ROBO2: variants seen among roughly 807,000 people sequenced by gnomAD.
ROBO2 encodes the protein roundabout guidance receptor 2, also known as roundabout homolog 2.
Under a neutral mutation model 160.8 loss-of-function variants are expected in ROBO2, and 53 were observed. The ratio of observed to expected loss-of-function variants is 0.33; its 90% CI spans 0.26 to 0.41. ROBO2 has a LOEUF of 0.41. ROBO2 is among the 10% of genes least tolerant of loss of function. The pLI, the probability that ROBO2 is intolerant of heterozygous loss-of-function variation, is 1.00. For missense variants in ROBO2, 1,577 were observed against 1,722.4 expected (o/e 0.92, Z 1.49); for synonymous variants, 664 against 611.7 (o/e 1.09, Z -1.26).
At chr3:76,362,414 G>T (rs1433501592) in intron 2 of ROBO2, among the ~76,000 whole-genome samples, 1 of 151,824 alleles carries the variant, frequency 6.6e-6, no homozygotes, top group Non-Finnish European at 1.5e-5. Context: ...TTGATCATAG[G>T]GATCATGATG....
intron 2 of ROBO2, among the ~76,000 whole-genome samples, chr3:76,441,533 A>G (rs1318287980): frequency 8.5e-5 from 13 of 152,216 alleles, no homozygotes; most frequent in Admixed American, 3.9e-4. Flanking sequence ...TTGACAACCC[A>G]TGAGTTAAAC....
intron 2 of ROBO2, among the ~76,000 whole-genome samples, chr3:77,033,903 T>G (rs1032583050): frequency 2.6e-5 from 4 of 152,030 alleles, no homozygotes; most frequent in Non-Finnish European, 5.9e-5. Flanking sequence ...TGAAACTTTT[T>G]TCTTAAATTA....
chr3:77,062,031 AAACCG>A (rs1250647410), intron 1 of ROBO2, among the ~76,000 whole-genome samples: 1 of 152,172 alleles, frequency 6.6e-6, no homozygotes, highest in Non-Finnish European at 1.5e-5. Context: ...TAATAGAGAG[AAACCG>A]AGAGTTTAGA....
At chr3:76,772,578 C>G (rs998566848) in intron 2 of ROBO2, among the ~76,000 whole-genome samples, 1 of 147,868 alleles carries the variant, frequency 6.8e-6, no homozygotes, top group Non-Finnish European at 1.5e-5. Context: ...TTTCTATACA[C>G]TAATTTTTAT....
intron 2 of ROBO2, among the ~76,000 whole-genome samples, chr3:76,815,953 G>C (rs149307293): frequency 6.6e-6 from 1 of 152,088 alleles, no homozygotes; most frequent in Non-Finnish European, 1.5e-5. Context: ...GAGTGCATTC[G>C]ACAGCTTGTA....
intron 2 of ROBO2, among the ~76,000 whole-genome samples, chr3:76,162,915 A>G (rs557545849): frequency 1.3e-5 from 2 of 152,004 alleles, no homozygotes; most frequent in East Asian, 1.9e-4. Flanking sequence ...TTTTGTTTTT[A>G]TAGTGCTATA....
chr3:77,460,067 G>A (rs2153570424), intron 2 of ROBO2, among the ~76,000 whole-genome samples: 1 of 152,202 alleles, frequency 6.6e-6, no homozygotes, highest in South Asian at 2.1e-4. Context: ...AGGAGTAAGA[G>A]TAAGATTGTT....
chr3:76,446,972 T>C (rs1464317680), intron 2 of ROBO2, among the ~76,000 whole-genome samples: 1 of 152,212 alleles, frequency 6.6e-6, no homozygotes, highest in Non-Finnish European at 1.5e-5. Flanking sequence ...ATTCAGGACA[T>C]AGGCATGGAC....
chr3:76,294,254 T>G (rs1576296052), intron 2 of ROBO2, among the ~76,000 whole-genome samples: 1 of 152,114 alleles, frequency 6.6e-6, no homozygotes, highest in Non-Finnish European at 1.5e-5. Context: ...CAGCTGTGGC[T>G]GGGCAGCTGC....
intron 2 of ROBO2, among the ~76,000 whole-genome samples, chr3:76,702,556 A>AGAG (rs397787550): frequency 2.0e-5 from 3 of 151,510 alleles, no homozygotes; most frequent in Admixed American, 6.6e-5. Context: ...ATAGACAGAG[A>AGAG]AAGAGAGAGA....
At chr3:77,443,862 C>T (rs371067747) in intron 2 of ROBO2, among the ~76,000 whole-genome samples, 1 of 152,240 alleles carries the variant, frequency 6.6e-6, no homozygotes, top group East Asian at 1.9e-4. Flanking sequence ...CAGAGTTACC[C>T]AGCCCAGAGC....
At chr3:77,393,731 AGT>A (rs199608810) in intron 2 of ROBO2, among the ~76,000 whole-genome samples, 3,874 of 151,688 alleles carry the variant, frequency 0.026, 59 homozygotes, top group Non-Finnish European at 0.037. Context: ...CTGATCCCCA[AGT>A]CATATATTAT....
intron 2 of ROBO2, among the ~76,000 whole-genome samples, chr3:76,533,885 G>A (rs2082356006): frequency 6.6e-6 from 1 of 152,070 alleles, no homozygotes; most frequent in African/African-American, 2.4e-5. Context: ...GTGGTGGAAG[G>A]TCATATGGAG....
At chr3:77,107,522 A>T (rs2072971950) in intron 2 of ROBO2, among the ~76,000 whole-genome samples, 1 of 152,216 alleles carries the variant, frequency 6.6e-6, no homozygotes, top group Non-Finnish European at 1.5e-5. Flanking sequence ...ACCAACAAGA[A>T]ATATTACAAA....
At chr3:77,563,447 A>G in intron 11 of ROBO2, 118 bp downstream of exon 12, 2 of 982,340 alleles carry the variant, frequency 2.0e-6, no homozygotes, top group South Asian at 2.7e-5. Context: ...CATTTTAAGA[A>G]TTGATCTCTT....
intron 6 of ROBO2, 74 bp downstream of exon 7, chr3:77,527,488 A>G (rs1389818234): frequency 2.0e-6 from 2 of 1,020,754 alleles, no homozygotes; most frequent in African/African-American, 1.7e-5. Flanking sequence ...GTAAGATTTG[A>G]CAGAATGAAA....
At chr3:77,524,729 TG>T (rs778436265) in intron 6 of ROBO2, among the ~76,000 whole-genome samples, 6 of 151,386 alleles carry the variant, frequency 4.0e-5, no homozygotes, top group Non-Finnish European at 8.9e-5. Context: ...ATGCTCCTCA[TG>T]CGGGGATGTT....
rs901535808 is a variant in ROBO2 at position 76,202,843 on chromosome 3, T to A, written c.109+265241T>A. Among the ~76,000 whole-genome samples, 3 of 152,074 alleles carry A rather than the reference T, an allele frequency of 2.0e-5. No individual in the cohort carries two copies. The East Asian group carries it at 5.8e-4, about 29-fold the overall frequency. On this transcript the variant is annotated intron_variant, in intron 2 of 26. Transcript: ENST00000487694. ...GATGGTTGATGTCCTAGGTCACATA[T>A]TCTGCCCAAAAGTCTACCAGTTGAC...
intron 2 of ROBO2, among the ~76,000 whole-genome samples, chr3:76,629,308 A>G (rs2089878046): frequency 6.6e-6 from 1 of 152,184 alleles, no homozygotes; most frequent in Admixed American, 6.5e-5. Context: ...TGCATTAGTC[A>G]GGGTTCTCTA....
Sources: allele counts gnomAD v4.1 joint callset (sites outside exome capture counted in the v4.1 genomes callset), GRCh38; gene constraint gnomAD v4.1.1; transcripts MANE v1.5; gene names NCBI Gene and HGNC (gene_info 2026-07-23, HGNC 2026-07-21).